The following PAPPA variants were observed in gnomAD, a reference collection of about 807,000 sequenced individuals.
PAPPA encodes the protein pappalysin-1.
In PAPPA, 60 loss-of-function variants were observed where a neutral mutation model predicts 164.0. That is an observed-to-expected ratio of 0.37 (90% CI 0.30 to 0.45). The LOEUF (loss-of-function observed/expected upper bound fraction) is 0.45. Ranked by LOEUF, PAPPA falls within the 20% of genes least tolerant of loss-of-function variation. The pLI is 1.00. For synonymous variants in PAPPA, 875 were observed against 814.1 expected (o/e 1.07, Z -1.27); for missense variants, 1,782 against 2,087.3 (o/e 0.85, Z 2.85).
chr9:116,261,574 A>G (rs575090940), intron 7 of PAPPA, among the ~76,000 whole-genome samples: 1 of 152,334 alleles, frequency 6.6e-6, no homozygotes, highest in South Asian at 2.1e-4. Context: ...TATCATATTA[A>G]CTACATACCA....
At chr9:116,354,688 A>G (rs142645267) in intron 17 of PAPPA, among the ~76,000 whole-genome samples, 370 of 152,190 alleles carry the variant, frequency 2.4e-3, no homozygotes, top group African/African-American at 8.0e-3. Flanking sequence ...TTTGTCCCCA[A>G]TGCCACTACC....
At chr9:116,238,302 G>A (rs1844695629) in intron 7 of PAPPA, among the ~76,000 whole-genome samples, 1 of 152,190 alleles carries the variant, frequency 6.6e-6, no homozygotes. Flanking sequence ...TCAGGCCCCA[G>A]TCCAGCCTAG....
chr9:116,371,704 C>CTTTTT (rs2118664019), intron 19 of PAPPA, among the ~76,000 whole-genome samples: 1 of 152,006 alleles, frequency 6.6e-6, no homozygotes, highest in East Asian at 1.9e-4. Context: ...CAGCCTCCTT[C>CTTTTT]TTTTTTATTG....
chr9:116,194,970 T>C (rs1442283959), intron 2 of PAPPA, among the ~76,000 whole-genome samples: 1 of 152,208 alleles, frequency 6.6e-6, no homozygotes, highest in African/African-American at 2.4e-5. Context: ...ATAACTTCTA[T>C]CAAACTCATT....
intron 10 of PAPPA, among the ~76,000 whole-genome samples, chr9:116,314,372 C>T (rs1422720879): frequency 6.6e-6 from 1 of 151,926 alleles, no homozygotes; most frequent in Non-Finnish European, 1.5e-5. Flanking sequence ...CCCGGTCTCT[C>T]CAGAGATTTT....
rs16933502 is a variant in PAPPA, at chr9:116,401,297, A to C, written c.*4681A>C. The C allele has an allele frequency of 0.032, 4,924 of 152,646 alleles. 103 individuals are homozygous for C. The highest frequency in any genetic ancestry group is 0.073 in the East Asian group (380 of 5,178). 9.5% of individuals were successfully genotyped at this position (152,646 alleles called of 1,614,324 possible). On this transcript the variant is annotated 3_prime_UTR_variant, in exon 22 of 22. Coordinates refer to ENST00000328252, the MANE Select transcript of PAPPA (RefSeq NM_002581.5). The stretch of plus-strand genomic sequence containing the variant: ...ACTTCTGGTCATTTCCAACTTATAG[A>C]GGAAGGGAGTCTCTAAAATCTCTTC...
chr9:116,249,182 T>G (rs1844831418), intron 7 of PAPPA, among the ~76,000 whole-genome samples: 1 of 152,216 alleles, frequency 6.6e-6, no homozygotes, highest in South Asian at 2.1e-4. Context: ...ACAAGTGATA[T>G]CTAACAGTGC....
At chr9:116,263,333 A>G (rs942241609) in intron 7 of PAPPA, among the ~76,000 whole-genome samples, 1 of 152,220 alleles carries the variant, frequency 6.6e-6, no homozygotes, top group African/African-American at 2.4e-5. Context: ...TCACCTGGAA[A>G]GAGAGCAAGC....
At chr9:116,179,590 G>A (rs1486331295) in intron 1 of PAPPA, among the ~76,000 whole-genome samples, 1 of 152,190 alleles carries the variant, frequency 6.6e-6, no homozygotes, top group Non-Finnish European at 1.5e-5. Flanking sequence ...GGTGGACCCG[G>A]AGGGATGAGG....
chr9:116,238,585 C>T (rs938899246), intron 7 of PAPPA, among the ~76,000 whole-genome samples: 5 of 152,318 alleles, frequency 3.3e-5, no homozygotes, highest in South Asian at 4.1e-4. Context: ...AAAAGTGCCA[C>T]GTACTGTGCC....
chr9:116,203,699 A>T (rs1844198260), intron 2 of PAPPA, among the ~76,000 whole-genome samples: 1 of 152,168 alleles, frequency 6.6e-6, no homozygotes, highest in African/African-American at 2.4e-5. Context: ...GTTGCCTCTA[A>T]TCCTTATGAT....
chr9:116,266,104 G>A (rs1845065411), intron 8 of PAPPA, 119 bp downstream of exon 8: 2 of 818,256 alleles, frequency 2.4e-6, no homozygotes, highest in Non-Finnish European at 3.6e-6. Flanking sequence ...TGAGCTACTA[G>A]TGGTCCCCAG....
rs1300360845 is a variant in PAPPA at position 116,267,031 on chromosome 9, A to C, written c.2861+1046A>C. Among the ~76,000 whole-genome samples the C allele has an allele frequency of 2.0e-5, 3 of 152,232 alleles. No homozygotes were observed. In the East Asian group the frequency reaches 5.8e-4, roughly 29 times the overall value. Reference sequence around the variant, plus strand: ...GTCACATAATATCTGTGCAATATGGAATTGCAATTACTATTTCTATAAGGG... The same window carrying C: ...GTCACATAATATCTGTGCAATATGGCATTGCAATTACTATTTCTATAAGGG... On this transcript the variant is annotated intron_variant, in intron 8 of 21. Transcript: ENST00000328252.
rs560186356 is a variant in PAPPA, at chr9:116,353,490, G to C, written c.4176-132G>C. ...CTTAATTCCTGCACGGGTCCCACCA[G>C]AACCCAATAGGTCAGGTGGGGAATC... On this transcript the variant is annotated intron_variant, in intron 16 of 21. Coordinates refer to ENST00000328252, the MANE Select transcript of PAPPA (RefSeq NM_002581.5). 2.3e-5 allele frequency: 18 copies of C among 768,022 alleles called. No individual in the cohort carries two copies. In the African/African-American group the frequency reaches 3.0e-4, roughly 13 times the overall value. The allele number at this position is 768,022 out of a possible 1,614,324, so 47.6% of individuals were successfully genotyped here. A position where few individuals can be genotyped will look rare whatever the true frequency, so the allele number is the denominator to read the frequency against.
At chr9:116,174,755 TC>T (rs1843812332) in intron 1 of PAPPA, among the ~76,000 whole-genome samples, 1 of 151,984 alleles carries the variant, frequency 6.6e-6, no homozygotes, top group Non-Finnish European at 1.5e-5. Flanking sequence ...TAATAATACA[TC>T]TAAAATAAGG....
At chr9:116,343,637 G>A (rs1390242083) in intron 13 of PAPPA, among the ~76,000 whole-genome samples, 1 of 152,150 alleles carries the variant, frequency 6.6e-6, no homozygotes, top group Non-Finnish European at 1.5e-5. Context: ...GTGGCTATAT[G>A]AGGTTGGCCA....
At chr9:116,381,532 T>C (rs2118698513) in intron 20 of PAPPA, among the ~76,000 whole-genome samples, 1 of 152,328 alleles carries the variant, frequency 6.6e-6, no homozygotes, top group Non-Finnish European at 1.5e-5. Context: ...CTAATAAGGC[T>C]CTGGGTTCAG....
chr9:116,303,236 A>T (rs1845602344), intron 10 of PAPPA, among the ~76,000 whole-genome samples: 2 of 152,152 alleles, frequency 1.3e-5, no homozygotes. Context: ...CATGTATTTC[A>T]ATGAGGTAAG....
intron 4 of PAPPA, among the ~76,000 whole-genome samples, chr9:116,216,983 G>T (rs1054849083): frequency 2.0e-5 from 3 of 151,916 alleles, no homozygotes; most frequent in African/African-American, 7.3e-5. Context: ...CTCGTGATCC[G>T]CCCACCTTGG....
Sources: allele counts gnomAD v4.1 joint callset (sites outside exome capture counted in the v4.1 genomes callset), GRCh38; gene constraint gnomAD v4.1.1; transcripts MANE v1.5; gene names NCBI Gene and HGNC (gene_info 2026-07-23, HGNC 2026-07-21).